The following CCDC91 variants were observed in gnomAD, a reference collection of about 807,000 sequenced individuals.
CCDC91 encodes the protein coiled-coil domain containing 91.
In CCDC91, 48 loss-of-function variants were observed where a neutral mutation model predicts 63.2. The ratio of observed to expected loss-of-function variants is 0.76; its 90% confidence interval spans 0.60 to 0.97. The LOEUF (loss-of-function observed/expected upper bound fraction) is 0.97. CCDC91 is among the 50% of genes least tolerant of loss of function. The probability of loss-of-function intolerance (pLI) is 0.00; values close to 1 mark genes in which losing one functional copy is unlikely to be tolerated. For missense variants in CCDC91, 500 were observed against 494.6 expected (o/e 1.01, Z -0.10); for synonymous variants, 167 against 165.8 (o/e 1.01, Z -0.06).
chr12:28,331,861 T>C (rs907865041), intron 6 of CCDC91, among the ~76,000 whole-genome samples: 3 of 152,088 alleles, frequency 2.0e-5, no homozygotes, highest in African/African-American at 7.2e-5. Flanking sequence ...TAAAAATATA[T>C]AAGAAATGGT....
chr12:28,282,574 C>T (rs1948675378), intron 3 of CCDC91, among the ~76,000 whole-genome samples: 1 of 152,110 alleles, frequency 6.6e-6, no homozygotes. Flanking sequence ...TAAACATACA[C>T]TTGCAGATGT....
At chr12:28,516,823 G>C (rs1940001066) in intron 12 of CCDC91, among the ~76,000 whole-genome samples, 1 of 151,844 alleles carries the variant, frequency 6.6e-6, no homozygotes, top group Non-Finnish European at 1.5e-5. Context: ...AATGACATTA[G>C]TTATCCCTTC....
In CCDC91 at chr12:28,239,689, T is replaced by C. The variant is rs182590606; in HGVS notation, c.-14-17513T>C. On this transcript the variant is annotated intron_variant, in intron 1 of 12. Transcript: ENST00000536442. ...TACATCCAGAAAAATTGTTGTCATA[T>C]TGATGGGATGTAACACACAGGTAAA... Among the ~76,000 whole-genome samples the C allele has an allele frequency of 8.1e-4, 123 of 152,288 alleles. 1 individual carries two copies. Among genetic ancestry groups the C allele is most frequent in the Non-Finnish European group, 1.5e-4 (10 of 67,990 alleles).
At chr12:28,282,142 G>A (rs777168631) in intron 3 of CCDC91, among the ~76,000 whole-genome samples, 2 of 152,098 alleles carry the variant, frequency 1.3e-5, no homozygotes, top group Non-Finnish European at 1.5e-5. Flanking sequence ...ACAGCCTCAC[G>A]TACTACCGTT....
At chr12:28,234,804 C>T (rs771911386) in intron 1 of CCDC91, among the ~76,000 whole-genome samples, 1 of 151,052 alleles carries the variant, frequency 6.6e-6, no homozygotes. Context: ...TACCAATTGT[C>T]AGTCTTCTTT....
chr12:28,277,327 G>A (rs1948303919), intron 3 of CCDC91, among the ~76,000 whole-genome samples: 1 of 151,928 alleles, frequency 6.6e-6, no homozygotes, highest in Admixed American at 6.6e-5. Flanking sequence ...TTTCTTTGAT[G>A]AGGATAATAA....
At chr12:28,459,921 C>T (rs1310260563) in intron 11 of CCDC91, among the ~76,000 whole-genome samples, 3 of 152,184 alleles carry the variant, frequency 2.0e-5, no homozygotes, top group Non-Finnish European at 2.9e-5. Flanking sequence ...ATCTATTCCT[C>T]TGTTCCCAAT....
At chr12:28,503,971 A>G (rs1592878612) in intron 12 of CCDC91, among the ~76,000 whole-genome samples, 1 of 152,164 alleles carries the variant, frequency 6.6e-6, no homozygotes, top group East Asian at 1.9e-4. Context: ...GCATTCGGAG[A>G]TATACCTAAT....
intron 1 of CCDC91, among the ~76,000 whole-genome samples, chr12:28,255,208 G>C (rs370276956): frequency 9.7e-4 from 148 of 152,188 alleles, no homozygotes; most frequent in African/African-American, 3.5e-3. Flanking sequence ...TTAGATGTGG[G>C]TATTTGTTTT....
intron 12 of CCDC91, among the ~76,000 whole-genome samples, chr12:28,518,651 G>A (rs1363702034): frequency 6.6e-6 from 1 of 151,948 alleles, no homozygotes; most frequent in East Asian, 1.9e-4. Context: ...AAGCTCTTTA[G>A]TTTAATTAAG....
At chr12:28,221,201 A>G (rs1189935332) in intron 1 of CCDC91, among the ~76,000 whole-genome samples, 1 of 151,188 alleles carries the variant, frequency 6.6e-6, no homozygotes, top group African/African-American at 2.4e-5. Flanking sequence ...CTCATCTTTT[A>G]TGTTTTTTGT....
At chr12:28,319,836 A>G (rs1940298108) in intron 6 of CCDC91, among the ~76,000 whole-genome samples, 1 of 151,790 alleles carries the variant, frequency 6.6e-6, no homozygotes, top group Non-Finnish European at 1.5e-5. Context: ...AAGTCTATAT[A>G]TGTTCAGTGC....
At chr12:28,196,125 AACCTTTCTAC>A (rs1941748502) in intron 1 of CCDC91, among the ~76,000 whole-genome samples, 1 of 151,946 alleles carries the variant, frequency 6.6e-6, no homozygotes, top group South Asian at 2.1e-4. Flanking sequence ...AAAATGAAAC[AACCTTTCTAC>A]GTTTATTTGG....
chr12:28,323,554 A>G (rs1940715308), intron 6 of CCDC91, among the ~76,000 whole-genome samples: 1 of 151,912 alleles, frequency 6.6e-6, no homozygotes, highest in African/African-American at 2.4e-5. Context: ...GAGATTTGAT[A>G]GGGCTATGCT....
intron 1 of CCDC91, among the ~76,000 whole-genome samples, chr12:28,248,823 A>C (rs1945933511): frequency 1.3e-5 from 2 of 152,114 alleles, no homozygotes; most frequent in Non-Finnish European, 1.5e-5. Context: ...AGCATGTTTC[A>C]TTGTTGATGA....
chr12:28,284,752 G>A (rs1320726057), intron 3 of CCDC91, among the ~76,000 whole-genome samples: 1 of 152,136 alleles, frequency 6.6e-6, no homozygotes, highest in Non-Finnish European at 1.5e-5. Context: ...AATTGTATAT[G>A]TTGGGATGAA....
chr12:28,492,650 C>T (rs1320682950), intron 12 of CCDC91, among the ~76,000 whole-genome samples: 1 of 151,412 alleles, frequency 6.6e-6, no homozygotes, highest in East Asian at 1.9e-4. Context: ...TGAAGAGTTA[C>T]AGCTGTAACA....
chr12:28,385,038 AT>A (rs1473654682), intron 7 of CCDC91, among the ~76,000 whole-genome samples: 7 of 152,126 alleles, frequency 4.6e-5, no homozygotes, highest in Admixed American at 4.6e-4. Flanking sequence ...ACATAAAAAT[AT>A]CTCTTCATAG....
chr12:28,308,780 T>C (rs1157288979), intron 6 of CCDC91, among the ~76,000 whole-genome samples: 1 of 152,054 alleles, frequency 6.6e-6, no homozygotes, highest in Non-Finnish European at 1.5e-5. Flanking sequence ...CTAGCACCTT[T>C]TACATTTGAC....
Sources: allele counts gnomAD v4.1 joint callset (sites outside exome capture counted in the v4.1 genomes callset), GRCh38; gene constraint gnomAD v4.1.1; transcripts MANE v1.5; gene names NCBI Gene and HGNC (gene_info 2026-07-23, HGNC 2026-07-21).